The following GPAT4 variants were observed in gnomAD, a reference collection of about 807,000 sequenced individuals.
The protein encoded by GPAT4 is 1-AGP acyltransferase 6.
Under a neutral mutation model 58.0 loss-of-function variants are expected in GPAT4, and 17 were observed. The observed-to-expected ratio is 0.29, with a 90% CI of 0.20 to 0.44. The LOEUF (loss-of-function observed/expected upper bound fraction) is 0.44, where lower values mean the gene tolerates loss of function less well. Among genes scored for constraint, GPAT4 ranks in the 20% least tolerant of loss-of-function variants. The pLI is 1.00. For synonymous variants in GPAT4, 204 were observed against 210.1 expected (o/e 0.97, Z 0.25); for missense variants, 377 against 574.5 (o/e 0.66, Z 3.51).
At chr8:41,612,347 GA>G in intron 7 of GPAT4, 74 bp downstream of exon 7, 7 of 1,469,514 alleles carry the variant, frequency 4.8e-6, no homozygotes, top group Non-Finnish European at 6.6e-6. Context: ...GAGGCTCCTG[GA>G]CCCTTCACAT....
intron 10 of GPAT4, among the ~76,000 whole-genome samples, chr8:41,616,241 CTGCAGGGAT>C (rs1803591156): frequency 6.6e-6 from 1 of 152,230 alleles, no homozygotes; most frequent in South Asian, 2.1e-4. Flanking sequence ...TCAGCATTGC[CTGCAGGGAT>C]TGTTTAAATG....
chr8:41,603,774 TG>T (rs1327364284), intron 2 of GPAT4, among the ~76,000 whole-genome samples: 1 of 152,082 alleles, frequency 6.6e-6, no homozygotes, highest in Non-Finnish European at 1.5e-5. Context: ...GCTACCATGT[TG>T]TAAGGAAGCC....
At position 41,618,860 on chromosome 8, in the gene GPAT4, A is replaced by G. The variant is rs199542163; in HGVS notation, c.1183-38A>G. On this transcript the variant is annotated intron_variant, in intron 11 of 12. Coordinates refer to ENST00000396987, the MANE Select transcript of GPAT4 (RefSeq NM_178819.4). ...TCTGCGCCTGCTCTGTGTAACGTCA[A>G]GCCGGGGCTGAGTGGTCTCATTTGT... is the stretch of plus-strand genomic sequence containing the variant. The G allele has an allele frequency of 2.7e-4, 443 of 1,614,128 alleles. 1 individual carries two copies. Among genetic ancestry groups the G allele is most frequent in the Non-Finnish European group, 3.4e-4 (402 of 1,180,056 alleles).
chr8:41,613,481 T>C (rs7843133), intron 8 of GPAT4, among the ~76,000 whole-genome samples: 67,532 of 151,932 alleles, frequency 0.44, 15,184 homozygotes, highest in Middle Eastern at 0.53. Flanking sequence ...ATAAACAAAA[T>C]ACGAATTTTT....
At chr8:41,607,823 G>A (rs183307492) in intron 2 of GPAT4, among the ~76,000 whole-genome samples, 2 of 152,166 alleles carry the variant, frequency 1.3e-5, no homozygotes, top group South Asian at 2.1e-4. Context: ...GCCCCACTGC[G>A]TCTGGCCCCA....
At chr8:41,601,284 A>G (rs1306623832) in intron 2 of GPAT4, among the ~76,000 whole-genome samples, 1 of 152,170 alleles carries the variant, frequency 6.6e-6, no homozygotes, top group Non-Finnish European at 1.5e-5. Flanking sequence ...GACTCTGCAC[A>G]GGTGAATCAG....
chr8:41,608,315 G>A (rs1329629703), intron 2 of GPAT4, among the ~76,000 whole-genome samples: 1 of 152,252 alleles, frequency 6.6e-6, no homozygotes, highest in Admixed American at 6.5e-5. Context: ...CCTGGGCCAC[G>A]TGCATCTTCC....
chr8:41,616,771 T>C (rs13248554), intron 10 of GPAT4, among the ~76,000 whole-genome samples: 85,124 of 152,036 alleles, frequency 0.56, 24,533 homozygotes, highest in Middle Eastern at 0.71. Context: ...CATTTCCATT[T>C]AGTCCACAGA....
chr8:41,583,555 A>G (rs1407608433), intron 1 of GPAT4, among the ~76,000 whole-genome samples: 1 of 152,228 alleles, frequency 6.6e-6, no homozygotes, highest in Admixed American at 6.5e-5. Flanking sequence ...CATAATCAAT[A>G]TAAAAATTAT....
chr8:41,612,389 C>G (rs1803470773), intron 7 of GPAT4, 116 bp downstream of exon 7: 16 of 986,584 alleles, frequency 1.6e-5, no homozygotes. Context: ...CAGGCCCCCA[C>G]CTTACTGTCA....
intron 1 of GPAT4, among the ~76,000 whole-genome samples, chr8:41,591,648 T>C (rs1802792246): frequency 6.6e-6 from 1 of 152,266 alleles, no homozygotes; most frequent in African/African-American, 2.4e-5. Flanking sequence ...CTATTACTAT[T>C]GTAACTCCTA....
intron 10 of GPAT4, among the ~76,000 whole-genome samples, chr8:41,618,115 T>C (rs1459227325): frequency 6.6e-6 from 1 of 152,262 alleles, no homozygotes; most frequent in Non-Finnish European, 1.5e-5. Context: ...AGCCGCCTCC[T>C]GAACAGACGA....
At chr8:41,610,120 T>C in intron 4 of GPAT4, 165 bp downstream of exon 4, 1 of 1,435,724 alleles carries the variant, frequency 7.0e-7, no homozygotes, top group Non-Finnish European at 9.1e-7. Context: ...GATTCTCCTT[T>C]AGAGGCCCTT....
At chr8:41,594,405 G>GT (rs960612408) in intron 1 of GPAT4, among the ~76,000 whole-genome samples, 1 of 151,776 alleles carries the variant, frequency 6.6e-6, no homozygotes, top group Non-Finnish European at 1.5e-5. Context: ...CACATAAACT[G>GT]TTTTTTTAAA....
At chr8:41,582,691 G>GTGGGTA (rs1430696384) in intron 1 of GPAT4, among the ~76,000 whole-genome samples, 4 of 151,776 alleles carry the variant, frequency 2.6e-5, no homozygotes. Flanking sequence ...GTGTGTGTGT[G>GTGGGTA]TGTGGGTGTA....
At chr8:41,612,744 A>G (rs1803480123) in intron 7 of GPAT4, 101 bp from the exon 8 acceptor site, 3 of 1,017,416 alleles carry the variant, frequency 2.9e-6, no homozygotes, top group South Asian at 3.2e-5. Context: ...GTTAGAAGTG[A>G]GAAGTTGGAC....
Position 41,609,428 on chromosome 8 carries a change from A to C in GPAT4, c.178A>C (p.Arg60=), listed in dbSNP as rs1208077795. The change falls in exon 3 of 13, where the codon AGA becomes CGA. Residue 60 remains arginine, a synonymous_variant. Transcript: ENST00000396987. The part of the protein sequence containing the change: ...LLKIFAWATL[R]MERGAKEKNH... The stretch of plus-strand genomic sequence containing the variant: ...CTTCCCCTCCCAGTGGGCTACCTTG[A>C]GAATGGAGCGAGGAGCCAAGGAGAA... 6.2e-7 allele frequency: 1 copy of C among 1,614,150 alleles called. No individual in the cohort carries two copies. The highest frequency in any genetic ancestry group is 1.7e-5 in the Admixed American group (1 of 60,018).
At chr8:41,618,556 A>G (rs958786407) in intron 10 of GPAT4, 128 bp from the exon 11 acceptor site, 2 of 1,203,806 alleles carry the variant, frequency 1.7e-6, no homozygotes, top group African/African-American at 3.0e-5. Flanking sequence ...CACAGTACTC[A>G]TGCAAGGTCA....
intron 1 of GPAT4, among the ~76,000 whole-genome samples, chr8:41,582,746 A>G (rs1802557704): frequency 6.6e-6 from 1 of 152,022 alleles, no homozygotes; most frequent in African/African-American, 2.4e-5. Flanking sequence ...AAAATTATGT[A>G]TCAATTTTTA....
Sources: allele counts gnomAD v4.1 joint callset (sites outside exome capture counted in the v4.1 genomes callset), GRCh38; gene constraint gnomAD v4.1.1; transcripts MANE v1.5; gene names NCBI Gene and HGNC (gene_info 2026-07-23, HGNC 2026-07-21).